JADE2: variants seen among roughly 807,000 people sequenced by gnomAD.
The protein encoded by JADE2 is jade family PHD finger 2, also known as E3 ubiquitin-protein ligase Jade-2.
JADE2 carries 13 observed loss-of-function variants against 85.7 expected under a neutral mutation model. That is an observed-to-expected ratio of 0.15 (90% CI 0.10 to 0.24). JADE2 has a LOEUF of 0.24. Among genes scored for constraint, JADE2 ranks in the 10% least tolerant of loss-of-function variants. JADE2 has a pLI of 1.00. For synonymous variants in JADE2, 440 were observed against 456.1 expected, an observed-to-expected ratio of 0.96 and a Z score of 0.45; for missense variants, 846 against 1,115.9, an observed-to-expected ratio of 0.76 and a Z score of 3.45.
chr5:134,555,463 G>T (rs1363955383), intron 4 of JADE2, among the ~76,000 whole-genome samples: 2 of 152,254 alleles, frequency 1.3e-5, no homozygotes, highest in African/African-American at 2.4e-5. Flanking sequence ...TGGTAGGAGA[G>T]CTTCCTTCAG....
chr5:134,573,784 C>T (rs768109815), intron 10 of JADE2, 22 bp downstream of exon 10: 15 of 1,412,922 alleles, frequency 1.1e-5, no homozygotes, highest in Non-Finnish European at 1.4e-5. Context: ...CCCCACCTGC[C>T]GCCGCCACCT....
At chr5:134,568,253 C>T (rs569916004) in intron 9 of JADE2, among the ~76,000 whole-genome samples, 13 of 152,228 alleles carry the variant, frequency 8.5e-5, no homozygotes, top group Non-Finnish European at 1.3e-4. Context: ...AACTGGGGCT[C>T]GGAGAGACGA....
At chr5:134,537,705 C>A (rs1581402213) in intron 2 of JADE2, among the ~76,000 whole-genome samples, 1 of 152,256 alleles carries the variant, frequency 6.6e-6, no homozygotes, top group Middle Eastern at 3.4e-3. Flanking sequence ...CAGAGTCCCA[C>A]AGAGGGCCAA....
rs768159397 is a variant in JADE2 at position 134,562,349 on chromosome 5, T to C, written c.834T>C (p.Cys278=). The change falls in exon 7 of 12, where the codon TGT becomes TGC. Residue 278 remains cysteine, a synonymous_variant. Coordinates refer to ENST00000681547, the MANE Select transcript of JADE2 (RefSeq NM_001388185.1). The surrounding 1 kb of genome is among the most constrained non-coding windows in gnomAD (Gnocchi z 4.6). ...RSGTKWVHVS[C]ALWIPEVSIG... ...GGACCAAGTGGGTGCATGTCAGCTGTGCCCTATGGATTCCTGAGGTGGGTG... is the reference window on the plus strand; with the variant it reads ...GGACCAAGTGGGTGCATGTCAGCTGCGCCCTATGGATTCCTGAGGTGGGTG... 1 of 1,612,720 alleles carries C rather than the reference T, an allele frequency of 6.2e-7. No homozygotes were observed. Among genetic ancestry groups the C allele is most frequent in the South Asian group, 1.1e-5 (1 of 90,982 alleles).
intron 3 of JADE2, among the ~76,000 whole-genome samples, chr5:134,538,612 C>T (rs1280894033): frequency 1.3e-5 from 2 of 152,154 alleles, no homozygotes; most frequent in African/African-American, 2.4e-5. Flanking sequence ...ATGTTTCTTA[C>T]AGCAGGTAGA....
intron 1 of JADE2, chr5:134,533,443 G>GT (rs1282026335): frequency 1.5e-6 from 1 of 686,654 alleles, no homozygotes; most frequent in African/African-American, 1.9e-5. Context: ...CTTTCCCAAG[G>GT]TCCCTGGTCT....
chr5:134,556,518 CAACACAT>C (rs1175102656), intron 4 of JADE2, among the ~76,000 whole-genome samples: 57 of 119,724 alleles, frequency 4.8e-4, no homozygotes, highest in African/African-American at 1.8e-3. Flanking sequence ...ACACATCACA[CAACACAT>C]ACACACACAC....
At chr5:134,543,560 C>A (rs1762109419) in intron 3 of JADE2, among the ~76,000 whole-genome samples, 2 of 151,942 alleles carry the variant, frequency 1.3e-5, no homozygotes, top group East Asian at 1.9e-4. Context: ...ACCTGTAATC[C>A]CAGCTACTCA....
At chr5:134,573,153 C>T (rs1764144708) in intron 9 of JADE2, among the ~76,000 whole-genome samples, 1 of 152,240 alleles carries the variant, frequency 6.6e-6, no homozygotes, top group Non-Finnish European at 1.5e-5. Flanking sequence ...TAGTTTTTGC[C>T]ATGCCATTTA....
At chr5:134,540,874 A>G (rs1263110763) in intron 3 of JADE2, among the ~76,000 whole-genome samples, 1 of 152,204 alleles carries the variant, frequency 6.6e-6, no homozygotes, top group Non-Finnish European at 1.5e-5. Flanking sequence ...TGCACCAAGG[A>G]TCAGGCCTGC....
rs1763668000 is a variant in JADE2, at chr5:134,566,761, G to A, written c.1434+181G>A. ...GGGCTTTCAGGTCCCAAAGAGTATG[G>A]GGGTGACTGACACTTTACAGAACAG... is the stretch of plus-strand genomic sequence containing the variant. On this transcript the variant is annotated intron_variant, in intron 9 of 11. Coordinates refer to ENST00000681547, the MANE Select transcript of JADE2 (RefSeq NM_001388185.1). This position sits in a 1 kb window ranked among gnomAD's most constrained non-coding sequence, Gnocchi z 6.7. Among the ~76,000 whole-genome samples, 1 of 152,206 alleles carries A rather than the reference G, an allele frequency of 6.6e-6. No individual in the cohort carries two copies. Among genetic ancestry groups the A allele is most frequent in the Non-Finnish European group, 1.5e-5 (1 of 68,036 alleles).
chr5:134,525,183 T>A (rs1760721836), upstream of JADE2, among the ~76,000 whole-genome samples: 1 of 150,946 alleles, frequency 6.6e-6, no homozygotes, highest in Non-Finnish European at 1.5e-5. Context: ...TTTTTTAAGG[T>A]TGCGGGGGGC....
intron 4 of JADE2, among the ~76,000 whole-genome samples, chr5:134,556,299 G>A (rs939286827): frequency 2.6e-5 from 4 of 152,178 alleles, no homozygotes; most frequent in Admixed American, 2.6e-4. Context: ...TTTTGAACTG[G>A]CATCAGGAAC....
At chr5:134,561,884 T>TG (rs1763344971) in intron 6 of JADE2, among the ~76,000 whole-genome samples, 1 of 152,170 alleles carries the variant, frequency 6.6e-6, no homozygotes, top group Non-Finnish European at 1.5e-5. Context: ...AAGGGATTCT[T>TG]GGACTCTCCT....
chr5:134,525,800 C>T lies in JADE2; in HGVS notation c.-212C>T. ...ACTCCTAGCGGCACCGGCTTAGGTC[C>T]TGCGGGCCGACCGTCCCCGGCGGGG... On this transcript the variant is annotated 5_prime_UTR_variant, in exon 1 of 12. Transcript: ENST00000681547. 9.7e-7 allele frequency: 1 copy of T among 1,031,930 alleles called. No homozygotes were observed. The highest frequency in any genetic ancestry group is 1.7e-5 in the African/African-American group (1 of 57,642). 63.9% of individuals were successfully genotyped at this position (1,031,930 alleles called of 1,614,324 possible). A position where few individuals can be genotyped will look rare whatever the true frequency, so the allele number is the denominator to read the frequency against.
intron 9 of JADE2, among the ~76,000 whole-genome samples, chr5:134,567,659 A>C (rs1293544718): frequency 1.3e-5 from 2 of 152,208 alleles, no homozygotes; most frequent in Non-Finnish European, 2.9e-5. Flanking sequence ...CGCAGTGGGC[A>C]AGGCTGTAAA....
At chr5:134,525,308 C>G (rs1374770674), upstream of JADE2, among the ~76,000 whole-genome samples, 1 of 151,994 alleles carries the variant, frequency 6.6e-6, no homozygotes, top group Non-Finnish European at 1.5e-5. Flanking sequence ...CCTGATGGGA[C>G]TTGCACGGGC....
At chr5:134,550,920 TC>T (rs1322274143) in intron 3 of JADE2, among the ~76,000 whole-genome samples, 1 of 152,196 alleles carries the variant, frequency 6.6e-6, no homozygotes, top group Non-Finnish European at 1.5e-5. Flanking sequence ...ACCCTCTCCT[TC>T]CTGCCTTCCT....
rs370730516 is a variant in JADE2, at chr5:134,564,541, G to A, written c.900G>A (p.Ser300=). 2.0e-4 allele frequency: 315 copies of A among 1,581,054 alleles called. 5 individuals carry two copies. The South Asian group carries it at 2.9e-3, about 15-fold the overall frequency. Reference sequence around the variant, plus strand: ...AGATGGAGCCCATCACCAAGATCTCGCATATCCCAGCCAGCCGCTGGGCTC... The same window carrying A: ...AGATGGAGCCCATCACCAAGATCTCACATATCCCAGCCAGCCGCTGGGCTC... ...PEKMEPITKI[S]HIPASRWALS... The change falls in exon 8 of 12, where the codon TCG becomes TCA. Residue 300 remains serine (S), a synonymous_variant. Transcript: ENST00000681547.
Sources: gnomAD v4.1 joint callset for allele counts (sites outside exome capture counted in the v4.1 genomes callset) on GRCh38, gnomAD v4.1.1 for gene constraint, Gnocchi (gnomAD v3.1) non-coding constraint, MANE v1.5 for transcripts, NCBI Gene and HGNC (gene_info 2026-07-23, HGNC 2026-07-21) for gene names.